Variants in LAMP3 observed in about 807,000 individuals in gnomAD.
LAMP3 encodes the protein lysosome-associated membrane glycoprotein 3.
In LAMP3, 26 loss-of-function variants were observed where a neutral mutation model predicts 34.8. The observed-to-expected ratio is 0.75, with a 90% CI of 0.55 to 1.04. The LOEUF (loss-of-function observed/expected upper bound fraction) is 1.04, where lower values mean the gene tolerates loss of function less well. LAMP3 is among the 50% of genes least tolerant of loss of function. The probability of loss-of-function intolerance (pLI) is 0.00; values close to 1 mark genes in which losing one functional copy is unlikely to be tolerated. For missense variants in LAMP3, 495 were observed against 524.0 expected, an observed-to-expected ratio of 0.94 and a Z score of 0.54; for synonymous variants, 180 against 201.9, an observed-to-expected ratio of 0.89 and a Z score of 0.92.
chr3:183,146,656 T>C (rs1720450945), intron 3 of LAMP3, among the ~76,000 whole-genome samples: 1 of 151,728 alleles, frequency 6.6e-6, no homozygotes, highest in South Asian at 2.1e-4. Context: ...GCCTCCCTAG[T>C]AGCTGGGATT....
At chr3:183,139,173 T>C (rs1326747086) in intron 4 of LAMP3, among the ~76,000 whole-genome samples, 2 of 152,108 alleles carry the variant, frequency 1.3e-5, no homozygotes, top group African/African-American at 4.8e-5. Context: ...GTGGATCACT[T>C]GAGGTCAGGT....
At chr3:183,139,071 C>T (rs1720190817) in intron 4 of LAMP3, among the ~76,000 whole-genome samples, 1 of 152,136 alleles carries the variant, frequency 6.6e-6, no homozygotes, top group African/African-American at 2.4e-5. Context: ...TCTCCACTCC[C>T]CCTGCTTGTG....
At chr3:183,141,466 T>A (rs1720281013) in intron 3 of LAMP3, among the ~76,000 whole-genome samples, 1 of 152,222 alleles carries the variant, frequency 6.6e-6, no homozygotes, top group South Asian at 2.1e-4. Flanking sequence ...TGATCCACAG[T>A]GTTCTCAGTT....
At chr3:183,162,751 C>T, upstream of LAMP3, 1 of 1,191,300 alleles carries the variant, frequency 8.4e-7, no homozygotes, top group South Asian at 1.6e-5. Flanking sequence ...GAAACGAAAC[C>T]ACCTGCTTAT....
At chr3:183,153,589 A>G (rs1204015435) in intron 2 of LAMP3, 93 bp downstream of exon 2, 5 of 810,716 alleles carry the variant, frequency 6.2e-6, no homozygotes, top group Admixed American at 2.8e-5. Context: ...TTTCATTTAA[A>G]GACACAGGAT....
At chr3:183,143,404 A>G (rs1236232446) in intron 3 of LAMP3, among the ~76,000 whole-genome samples, 1 of 152,194 alleles carries the variant, frequency 6.6e-6, no homozygotes, top group Non-Finnish European at 1.5e-5. Context: ...ATGAGGCTTG[A>G]GGTATAAGCT....
At chr3:183,137,770 C>T (rs550512644) in intron 4 of LAMP3, among the ~76,000 whole-genome samples, 2 of 152,054 alleles carry the variant, frequency 1.3e-5, no homozygotes, top group East Asian at 1.9e-4. Flanking sequence ...AATTGATTTT[C>T]CCACACCCTC....
intron 1 of LAMP3, among the ~76,000 whole-genome samples, chr3:183,156,480 C>G (rs549555850): frequency 1.3e-5 from 2 of 152,158 alleles, no homozygotes; most frequent in Non-Finnish European, 1.5e-5. Flanking sequence ...CACAGACTCT[C>G]AGGAGAGCTG....
chr3:183,155,071 C>T (rs896414030), intron 1 of LAMP3, among the ~76,000 whole-genome samples: 4 of 152,120 alleles, frequency 2.6e-5, no homozygotes, highest in East Asian at 3.9e-4. Context: ...CCTGCCACCA[C>T]GCCCGGCTAA....
At chr3:183,126,241 G>A (rs759012331) in intron 5 of LAMP3, among the ~76,000 whole-genome samples, 31 of 151,344 alleles carry the variant, frequency 2.0e-4, no homozygotes, top group Admixed American at 9.2e-4. Flanking sequence ...GGTAGGTCTC[G>A]GTGTTCTGTA....
At chr3:183,153,204 T>C (rs1720709809) in intron 2 of LAMP3, among the ~76,000 whole-genome samples, 1 of 149,068 alleles carries the variant, frequency 6.7e-6, no homozygotes, top group Admixed American at 6.6e-5. Context: ...AAAGAAAATA[T>C]TGTTTTAGTG....
At chr3:183,141,565 T>C (rs1393586) in intron 3 of LAMP3, among the ~76,000 whole-genome samples, 16,002 of 152,260 alleles carry the variant, frequency 0.11, 946 homozygotes, top group East Asian at 0.17. Context: ...GAATTACTTT[T>C]AGAGGTTTCA....
intron 3 of LAMP3, among the ~76,000 whole-genome samples, chr3:183,141,427 A>G (rs1720280187): frequency 6.6e-6 from 1 of 152,206 alleles, no homozygotes; most frequent in South Asian, 2.1e-4. Context: ...GGGTAAGTTG[A>G]AAAGGGAGTT....
At chr3:183,157,879 T>C (rs1720866225) in intron 1 of LAMP3, among the ~76,000 whole-genome samples, 1 of 152,100 alleles carries the variant, frequency 6.6e-6, no homozygotes, top group Non-Finnish European at 1.5e-5. Flanking sequence ...CAAGAAGATA[T>C]GTGGTACCCG....
At chr3:183,138,911 A>G (rs1173068167) in intron 4 of LAMP3, among the ~76,000 whole-genome samples, 1 of 152,090 alleles carries the variant, frequency 6.6e-6, no homozygotes, top group African/African-American at 2.4e-5. Context: ...GGGCCTGTGC[A>G]TCTGTTCTTC....
At chr3:183,136,763 A>G (rs1238856851) in intron 4 of LAMP3, among the ~76,000 whole-genome samples, 2 of 151,968 alleles carry the variant, frequency 1.3e-5, no homozygotes, top group Non-Finnish European at 1.5e-5. Context: ...CTGGGGAGAG[A>G]AACCTGCCTA....
intron 1 of LAMP3, chr3:183,158,135 G>A (rs766420692): frequency 6.6e-6 from 1 of 152,230 alleles, no homozygotes; most frequent in African/African-American, 2.4e-5. Context: ...TCTTCTCCCT[G>A]TGTGGGGTAT....
Position 183,154,236 on chromosome 3 carries a change from T to G in LAMP3, c.205A>C (p.Met69Leu). The change falls in exon 2 of 6, where the codon ATG (methionine) becomes CTG (leucine). Residue 69 changes from methionine to leucine, a missense_variant. Met to Leu is a conservative substitution (Grantham distance 15). Transcript: ENST00000265598. ...APHQTLAARFMDGHITFQTAA... is the reference protein window; with the variant it reads ...APHQTLAARFLDGHITFQTAA... ...GTTTGAAAGGTGATATGACCATCCA[T>G]GAATCTTGCTGCTAAAGTTTGGTGA... 1 of 1,614,140 alleles carries G rather than the reference T, an allele frequency of 6.2e-7. No homozygotes were observed.
intron 5 of LAMP3, chr3:183,132,715 G>A (rs1233785013): frequency 1.0e-6 from 1 of 985,322 alleles, no homozygotes; most frequent in African/African-American, 1.7e-5. Flanking sequence ...GCTCAGGAGG[G>A]TGCAACAGGC....
Sources: allele counts gnomAD v4.1 joint callset (sites outside exome capture counted in the v4.1 genomes callset), GRCh38; gene constraint gnomAD v4.1.1; transcripts MANE v1.5; gene names NCBI Gene and HGNC (gene_info 2026-07-23, HGNC 2026-07-21).